Variants in PDE7A observed in about 807,000 individuals in gnomAD.
PDE7A encodes high affinity 3',5'-cyclic-AMP phosphodiesterase 7A.
In PDE7A, 39 loss-of-function variants were observed where a neutral mutation model predicts 64.3. The ratio of observed to expected loss-of-function variants is 0.61; its 90% CI spans 0.47 to 0.79. The LOEUF (loss-of-function observed/expected upper bound fraction) is 0.79. Ranked by LOEUF, PDE7A falls within the 30% of genes least tolerant of loss-of-function variation. The pLI is 0.00. For synonymous variants in PDE7A, 203 were observed against 206.8 expected (o/e 0.98, Z 0.16); for missense variants, 470 against 582.8 (o/e 0.81, Z 1.99).
intron 3 of PDE7A, among the ~76,000 whole-genome samples, chr8:65,750,777 C>A (rs1168194333): frequency 2.0e-5 from 3 of 152,012 alleles, no homozygotes; most frequent in Non-Finnish European, 2.9e-5. Flanking sequence ...AAGTCATAAC[C>A]TTCTGATATC....
At chr8:65,729,626 C>T (rs183037378) in intron 7 of PDE7A, among the ~76,000 whole-genome samples, 5 of 151,988 alleles carry the variant, frequency 3.3e-5, no homozygotes, top group Admixed American at 2.6e-4. Flanking sequence ...TGCAGTGGTG[C>T]GATCTCGGCT....
At chr8:65,789,382 T>C (rs1809641222) in intron 1 of PDE7A, among the ~76,000 whole-genome samples, 1 of 152,256 alleles carries the variant, frequency 6.6e-6, no homozygotes, top group African/African-American at 2.4e-5. Flanking sequence ...ATAGAACTGT[T>C]TCACAAGCAC....
In PDE7A at chr8:65,715,462, C is replaced by G. The variant is rs1806095724; in HGVS notation, c.*3828G>C. 6.6e-6 allele frequency among the ~76,000 whole-genome samples: 1 copy of G among 151,418 alleles called. No homozygotes were observed. Among genetic ancestry groups the G allele is most frequent in the Non-Finnish European group, 1.5e-5 (1 of 67,886 alleles). On this transcript the variant is annotated 3_prime_UTR_variant, in exon 13 of 13. Transcript: ENST00000401827. ...GCACAATCTCTGCTCCTTGCAACCTCCGCCACCTGGGTTCAAGCAATTCTT... is the reference window on the plus strand; with the variant it reads ...GCACAATCTCTGCTCCTTGCAACCTGCGCCACCTGGGTTCAAGCAATTCTT...
intron 1 of PDE7A, among the ~76,000 whole-genome samples, chr8:65,804,807 G>A (rs1255840799): frequency 6.6e-6 from 1 of 152,046 alleles, no homozygotes; most frequent in Admixed American, 6.6e-5. Context: ...CCACAGTGCT[G>A]GGATTATAGG....
chr8:65,751,987 A>G (rs1807991742), intron 3 of PDE7A, among the ~76,000 whole-genome samples: 1 of 152,194 alleles, frequency 6.6e-6, no homozygotes, highest in Non-Finnish European at 1.5e-5. Context: ...CAGATGAATC[A>G]TAATCTATTT....
intron 1 of PDE7A, among the ~76,000 whole-genome samples, chr8:65,839,914 T>C (rs1033045595): frequency 1.8e-4 from 28 of 152,228 alleles, no homozygotes; most frequent in African/African-American, 6.0e-4. Flanking sequence ...AAATAATCAG[T>C]GATTGCCTTT....
At chr8:65,800,491 CCT>C (rs760772929) in intron 1 of PDE7A, among the ~76,000 whole-genome samples, 45 of 152,322 alleles carry the variant, frequency 3.0e-4, no homozygotes, top group African/African-American at 7.9e-4. Context: ...GAAACTCACC[CCT>C]GTGTTTAAAA....
intron 1 of PDE7A, among the ~76,000 whole-genome samples, chr8:65,825,424 C>A (rs192750215): frequency 6.6e-6 from 1 of 152,280 alleles, no homozygotes; most frequent in East Asian, 1.9e-4. Flanking sequence ...AGCCTCCACA[C>A]CAGCATAGCA....
intron 3 of PDE7A, among the ~76,000 whole-genome samples, chr8:65,773,395 T>C (rs1042170152): frequency 6.6e-6 from 1 of 152,164 alleles, no homozygotes; most frequent in Admixed American, 6.5e-5. Flanking sequence ...ACTTACACAT[T>C]TGTCACCTTT....
At chr8:65,806,110 G>A (rs1189035626) in intron 1 of PDE7A, among the ~76,000 whole-genome samples, 1 of 152,280 alleles carries the variant, frequency 6.6e-6, no homozygotes, top group African/African-American at 2.4e-5. Flanking sequence ...GTGAAAAACT[G>A]TAAACACTCT....
At chr8:65,737,436 C>T (rs138578416) in intron 6 of PDE7A, among the ~76,000 whole-genome samples, 7 of 152,296 alleles carry the variant, frequency 4.6e-5, no homozygotes, top group African/African-American at 1.4e-4. Flanking sequence ...AAAATTGTAT[C>T]TGTAGAGTCA....
At chr8:65,724,978 ATT>A (rs3833687) in intron 9 of PDE7A, 57 bp from the exon 10 acceptor site, 1 of 1,168,948 alleles carries the variant, frequency 8.6e-7, no homozygotes. Flanking sequence ...CTATTTATTG[ATT>A]TTTTTTCTTA....
chr8:65,775,977 G>A (rs1809249626), intron 3 of PDE7A, among the ~76,000 whole-genome samples: 1 of 152,144 alleles, frequency 6.6e-6, no homozygotes, highest in East Asian at 1.9e-4. Context: ...GTTTATACTT[G>A]CTATATCTAA....
Position 65,841,513 on chromosome 8 carries a change from T to A in PDE7A, c.-5A>T, listed in dbSNP as rs779150255. Reference sequence around the variant, plus strand: ...CAGCTGGTAACACACTTCCATTGAATACGCCCGCCCTGCCTCCGCGCGGCG... The same window carrying A: ...CAGCTGGTAACACACTTCCATTGAAAACGCCCGCCCTGCCTCCGCGCGGCG... On this transcript the variant is annotated 5_prime_UTR_variant, in exon 1 of 13. Coordinates refer to ENST00000401827, the MANE Select transcript of PDE7A (RefSeq NM_001242318.3). 16 of 1,513,762 alleles carry A rather than the reference T, an allele frequency of 1.1e-5. No individual in the cohort carries two copies. The highest frequency in any genetic ancestry group is 1.3e-5 in the Non-Finnish European group (15 of 1,138,760). The allele number at this position is 1,513,762 out of a possible 1,614,324, so 93.8% of individuals were successfully genotyped here.
chr8:65,749,410 T>C (rs972695742), intron 3 of PDE7A, among the ~76,000 whole-genome samples: 2 of 152,208 alleles, frequency 1.3e-5, no homozygotes, highest in African/African-American at 4.8e-5. Context: ...ACTTCTCCCA[T>C]TTTTCATTCC....
In PDE7A at chr8:65,841,861, G is replaced by C. The variant is rs1811100785; in HGVS notation, c.-353C>G. 1 of 161,910 alleles carries C rather than the reference G, an allele frequency of 6.2e-6. No homozygotes were observed. Among genetic ancestry groups the C allele is most frequent in the South Asian group, 1.4e-4 (1 of 6,954 alleles). The allele number at this position is 161,910 out of a possible 1,614,324, so 10.0% of individuals were successfully genotyped here. On this transcript the variant is annotated 5_prime_UTR_variant, in exon 1 of 13. Coordinates refer to ENST00000401827, the MANE Select transcript of PDE7A (RefSeq NM_001242318.3). ...GAGGAGCAGGTACCCGGACTGCAGA[G>C]TTCGAGCGCAGCACGAACGGAGCAA...
At chr8:65,766,334 A>G (rs1808782706) in intron 3 of PDE7A, among the ~76,000 whole-genome samples, 1 of 152,272 alleles carries the variant, frequency 6.6e-6, no homozygotes. Flanking sequence ...CAAGAGACCA[A>G]GTATATGGCT....
chr8:65,836,782 A>AC (rs1257571500), intron 1 of PDE7A, among the ~76,000 whole-genome samples: 1 of 152,232 alleles, frequency 6.6e-6, no homozygotes, highest in Non-Finnish European at 1.5e-5. Context: ...CATACTAGCC[A>AC]CATTTCAAGT....
chr8:65,788,963 G>C (rs1311451795), intron 1 of PDE7A: 1 of 1,610,382 alleles, frequency 6.2e-7, no homozygotes, highest in Non-Finnish European at 8.5e-7. Context: ...AAAGCCCGCT[G>C]CATAATCTCT....
Sources: gnomAD v4.1 joint callset for allele counts (sites outside exome capture counted in the v4.1 genomes callset) on GRCh38, gnomAD v4.1.1 for gene constraint, MANE v1.5 for transcripts, NCBI Gene and HGNC (gene_info 2026-07-23, HGNC 2026-07-21) for gene names.